The following RECK variants were observed in gnomAD, a reference collection of about 807,000 sequenced individuals.
RECK encodes the protein reversion inducing cysteine rich protein with kazal motifs.
Under a neutral mutation model 115.1 loss-of-function variants are expected in RECK, and 69 were observed. That is an observed-to-expected ratio of 0.60 (90% CI 0.49 to 0.73). The LOEUF is 0.73. Among genes scored for constraint, RECK ranks in the 30% least tolerant of loss-of-function variants. The pLI is 0.00. For synonymous variants in RECK, 414 were observed against 419.7 expected (o/e 0.99, Z 0.17); for missense variants, 1,047 against 1,203.7 (o/e 0.87, Z 1.93).
intron 8 of RECK, chr9:36,086,004 A>G (rs1822944109): frequency 6.6e-6 from 1 of 152,138 alleles, no homozygotes. Context: ...GGGTAGAACA[A>G]CCGTCTCCAT....
intron 5 of RECK, among the ~76,000 whole-genome samples, chr9:36,065,121 A>G (rs965619768): frequency 2.0e-5 from 3 of 151,650 alleles, no homozygotes; most frequent in African/African-American, 7.3e-5. Flanking sequence ...TTATATACTC[A>G]GCAAGTTCAG....
At chr9:36,080,461 T>C in intron 6 of RECK, 144 bp from the exon 7 acceptor site, 1 of 697,194 alleles carries the variant, frequency 1.4e-6, no homozygotes, top group Non-Finnish European at 2.4e-6. Context: ...TATCATTTCA[T>C]AACTTCTGTG....
At chr9:36,074,197 C>G (rs1035128660) in intron 6 of RECK, among the ~76,000 whole-genome samples, 7 of 152,176 alleles carry the variant, frequency 4.6e-5, no homozygotes, top group African/African-American at 1.4e-4. Flanking sequence ...CCTTTGCATG[C>G]TTTATTATAG....
intron 6 of RECK, among the ~76,000 whole-genome samples, chr9:36,076,219 C>G (rs1035738338): frequency 2.0e-5 from 3 of 152,202 alleles, no homozygotes; most frequent in African/African-American, 7.2e-5. Flanking sequence ...TTGGATTTCT[C>G]TCTTCTGAAT....
At chr9:36,117,501 C>T (rs1378314990) in intron 17 of RECK, among the ~76,000 whole-genome samples, 1 of 152,136 alleles carries the variant, frequency 6.6e-6, no homozygotes, top group Non-Finnish European at 1.5e-5. Flanking sequence ...GTTCTCTGGG[C>T]CCTCACTAAG....
chr9:36,062,011 TAATC>T (rs1821789743), intron 4 of RECK, among the ~76,000 whole-genome samples: 1 of 152,192 alleles, frequency 6.6e-6, no homozygotes. Flanking sequence ...ATATAAATAA[TAATC>T]CAACTTACTT....
chr9:36,053,187 T>C (rs1821377433), intron 2 of RECK, among the ~76,000 whole-genome samples: 1 of 152,178 alleles, frequency 6.6e-6, no homozygotes, highest in African/African-American at 2.4e-5. Flanking sequence ...TCTTAAAAGT[T>C]GTCTGTAGGT....
Position 36,122,865 on chromosome 9 carries a change from T to C in RECK, c.2736T>C (p.Leu912=). The change falls in exon 21 of 21, where the codon CTT becomes CTC. Residue 912 remains leucine, a synonymous_variant. Coordinates refer to ENST00000377966, the MANE Select transcript of RECK (RefSeq NM_021111.3). Reference sequence around the variant, plus strand: ...AAGAAGCAGAGAAGATTGAGTCCCTTATCAACTCTGACAGCCCGACTTTGG... The same window carrying C: ...AAGAAGCAGAGAAGATTGAGTCCCTCATCAACTCTGACAGCCCGACTTTGG... ...CNKEAEKIES[L]INSDSPTLAS... 2 of 1,614,204 alleles carry C rather than the reference T, an allele frequency of 1.2e-6. No individual in the cohort carries two copies. The highest frequency in any genetic ancestry group is 1.1e-5 in the South Asian group (1 of 91,080).
chr9:36,098,459 G>C (rs1324416934), intron 10 of RECK, among the ~76,000 whole-genome samples: 1 of 152,166 alleles, frequency 6.6e-6, no homozygotes, highest in Admixed American at 6.5e-5. Flanking sequence ...TCACAAGAAT[G>C]CCTGAAATTA....
intron 6 of RECK, among the ~76,000 whole-genome samples, chr9:36,080,377 T>C (rs942857243): frequency 3.3e-5 from 5 of 152,338 alleles, no homozygotes; most frequent in Admixed American, 3.3e-4. Context: ...TTGCTATAAC[T>C]GGTCAGCTTA....
intron 6 of RECK, among the ~76,000 whole-genome samples, chr9:36,074,639 T>A (rs1166246882): frequency 3.3e-5 from 5 of 152,192 alleles, no homozygotes; most frequent in Non-Finnish European, 7.4e-5. Flanking sequence ...TATAGACTTT[T>A]TCCCACTCTG....
At position 36,118,870 on chromosome 9, in the gene RECK, C is replaced by T. The variant is rs374500095; in HGVS notation, c.2367C>T (p.Ala789=). The change falls in exon 18 of 21, where the codon GCC becomes GCT. Residue 789 remains alanine (A), a synonymous_variant. Coordinates refer to ENST00000377966, the MANE Select transcript of RECK (RefSeq NM_021111.3). ...VAVDYYGDCQ[A]VGVLSEHSSV... is the part of the protein sequence containing the mutation. Reference sequence around the variant, plus strand: ...TCGATTACTATGGGGACTGCCAGGCCGTCGGAGTCCTCTCAGAGCACAGCT... The same window carrying T: ...TCGATTACTATGGGGACTGCCAGGCTGTCGGAGTCCTCTCAGAGCACAGCT... The T allele has an allele frequency of 5.0e-6, 8 of 1,613,838 alleles. No homozygotes were observed. The African/African-American group carries it at 6.7e-5, about 13-fold the overall frequency.
At position 36,121,602 on chromosome 9, in the gene RECK, C is replaced by G; in HGVS notation, c.2608C>G (p.Gln870Glu). 1.2e-6 allele frequency: 2 copies of G among 1,614,058 alleles called. No homozygotes were observed. Among genetic ancestry groups the G allele is most frequent in the Non-Finnish European group, 1.7e-6 (2 of 1,179,892 alleles). The change falls in exon 20 of 21, where the codon CAG (glutamine) becomes GAG (glutamate). Residue 870 changes from glutamine (Q) to glutamate (E), a missense_variant. Coordinates refer to ENST00000377966, the MANE Select transcript of RECK (RefSeq NM_021111.3). ...QKIRMHVSVP[Q>E]CDVFGYFSIE... Reference sequence around the variant, plus strand: ...AATCCGCATGCACGTGTCTGTCCCACAGTGTGATGTGTTTGGATACTTCAG... The same window carrying G: ...AATCCGCATGCACGTGTCTGTCCCAGAGTGTGATGTGTTTGGATACTTCAG...
chr9:36,089,507 A>G (rs1047623108), intron 9 of RECK, among the ~76,000 whole-genome samples: 6 of 152,244 alleles, frequency 3.9e-5, no homozygotes, highest in African/African-American at 1.2e-4. Flanking sequence ...CCCTTAATCC[A>G]AAAATCTGAA....
Position 36,124,248 on chromosome 9 carries a change from T to C in RECK, c.*1203T>C, listed in dbSNP as rs762750915. Reference sequence around the variant, plus strand: ...GAACTTAGATTTTACATGAAGTATTTTTTCAGTATTATATGTACCCTCTGA... The same window carrying C: ...GAACTTAGATTTTACATGAAGTATTCTTTCAGTATTATATGTACCCTCTGA... On this transcript the variant is annotated 3_prime_UTR_variant, in exon 21 of 21. Coordinates refer to ENST00000377966, the MANE Select transcript of RECK (RefSeq NM_021111.3). 27 of 152,766 alleles carry C rather than the reference T, an allele frequency of 1.8e-4. No individual in the cohort carries two copies. Among genetic ancestry groups the C allele is most frequent in the Middle Eastern group, 3.4e-3 (1 of 294 alleles). The allele number at this position is 152,766 out of a possible 1,614,324, so 9.5% of individuals were successfully genotyped here.
chr9:36,102,159 C>G lies in RECK; in HGVS notation c.1364C>G (p.Ala455Gly), dbSNP rs753440218. The change falls in exon 12 of 21, where the codon GCT becomes GGT. Residue 455 changes from alanine to glycine, a missense_variant. Transcript: ENST00000377966. ...DQNKFPEDHTAESICELLSPT... is the reference protein window; with the variant it reads ...DQNKFPEDHTGESICELLSPT... Reference sequence around the variant, plus strand: ...AACAAATTCCCTGAAGACCACACAGCTGAAAGTATTTGTGAGCTTCTGTCA... The same window carrying G: ...AACAAATTCCCTGAAGACCACACAGGTGAAAGTATTTGTGAGCTTCTGTCA... 1 of 1,613,064 alleles carries G rather than the reference C, an allele frequency of 6.2e-7. No individual in the cohort carries two copies. Among genetic ancestry groups the G allele is most frequent in the South Asian group, 1.1e-5 (1 of 91,068 alleles).
At chr9:36,107,894 C>T (rs1823884512) in intron 13 of RECK, 82 bp from the exon 14 acceptor site, 1 of 980,580 alleles carries the variant, frequency 1.0e-6, no homozygotes. Context: ...ACCTATAAGA[C>T]TTTTATCAAG....
chr9:36,119,500 C>T (rs1459606000), intron 18 of RECK, among the ~76,000 whole-genome samples: 5 of 152,082 alleles, frequency 3.3e-5, no homozygotes, highest in African/African-American at 1.2e-4. Flanking sequence ...AACAGCTTAC[C>T]TTACAATCTC....
At chr9:36,070,932 C>T (rs911949385) in intron 6 of RECK, among the ~76,000 whole-genome samples, 3 of 152,184 alleles carry the variant, frequency 2.0e-5, no homozygotes, top group Admixed American at 6.5e-5. Flanking sequence ...AGGTTCTCTG[C>T]CTTTTCACAG....
Sources: allele counts gnomAD v4.1 joint callset (sites outside exome capture counted in the v4.1 genomes callset), GRCh38; gene constraint gnomAD v4.1.1; transcripts MANE v1.5; gene names NCBI Gene and HGNC (gene_info 2026-07-23, HGNC 2026-07-21).